MCM5: variants seen among roughly 807,000 people sequenced by gnomAD.
MCM5 encodes DNA replication licensing factor MCM5.
In MCM5, 46 loss-of-function variants were observed where a neutral mutation model predicts 79.9. The ratio of observed to expected loss-of-function variants is 0.58; its 90% confidence interval spans 0.45 to 0.74. The LOEUF is 0.74. Ranked by LOEUF, MCM5 falls within the 30% of genes least tolerant of loss-of-function variation. MCM5 has a pLI of 0.00. For missense variants in MCM5, 883 were observed against 1,017.0 expected, an observed-to-expected ratio of 0.87 and a Z score of 1.79; for synonymous variants, 404 against 390.5, an observed-to-expected ratio of 1.03 and a Z score of -0.41.
At chr22:35,405,170 C>T (rs1363493925) in intron 4 of MCM5, among the ~76,000 whole-genome samples, 1 of 151,772 alleles carries the variant, frequency 6.6e-6, no homozygotes, top group African/African-American at 2.4e-5. Context: ...GAATTACAGG[C>T]ACACACCACC....
chr22:35,417,640 T>G, intron 12 of MCM5, 104 bp from the exon 13 acceptor site: 1 of 800,004 alleles, frequency 1.2e-6, no homozygotes. Context: ...TCCGGCTCCT[T>G]GATGCCAGGG....
intron 4 of MCM5, among the ~76,000 whole-genome samples, chr22:35,406,141 G>T (rs927775132): frequency 1.3e-5 from 2 of 152,222 alleles, no homozygotes; most frequent in African/African-American, 4.8e-5. Flanking sequence ...GGTTTTGACA[G>T]AACTTGAACT....
Position 35,410,550 on chromosome 22 carries a change from T to C in MCM5, c.753-194T>C, listed in dbSNP as rs572848911. On this transcript the variant is annotated intron_variant, in intron 6 of 16. Transcript: ENST00000216122. ...TGGGCAACACCATCCTCCAAGCAGC[T>C]GAGCATGGGCTGAGTGACGTGGGGA... 8 of 594,842 alleles carry C rather than the reference T, an allele frequency of 1.3e-5. No individual in the cohort carries two copies. In the African/African-American group the frequency reaches 1.5e-4, roughly 11 times the overall value. The allele number at this position is 594,842 out of a possible 1,614,324, so 36.8% of individuals were successfully genotyped here.
chr22:35,412,534 G>T lies in MCM5; in HGVS notation c.944G>T (p.Ser315Ile). The T allele has an allele frequency of 6.4e-7, 1 of 1,568,314 alleles. No individual in the cohort carries two copies. Among genetic ancestry groups the T allele is most frequent in the Non-Finnish European group, 8.7e-7 (1 of 1,155,316 alleles). Residue 315 changes from serine to isoleucine, a missense_variant, in exon 8 of 17, where the codon AGC (serine) becomes ATC (isoleucine). Coordinates refer to ENST00000216122, the MANE Select transcript of MCM5 (RefSeq NM_006739.4). ...GSGRSFAGAV[S>I]PQEEEEFRRL... ...GGCCGCAGCTTTGCTGGGGCCGTGAGCCCCCAGGAGGAGGAGGAGTTCCGT... is the reference window on the plus strand; with the variant it reads ...GGCCGCAGCTTTGCTGGGGCCGTGATCCCCCAGGAGGAGGAGGAGTTCCGT...
the MCM5 span, among the ~76,000 whole-genome samples, chr22:35,435,458 G>C: frequency 4.6e-5 from 7 of 152,330 alleles, no homozygotes; most frequent in Admixed American, 3.3e-4. Context: ...AGGGAGGGGA[G>C]GAAGAAGGTG....
chr22:35,417,844 C>G lies in MCM5; in HGVS notation c.1691C>G (p.Ala564Gly), dbSNP rs1212682934. 1 of 1,613,730 alleles carries G rather than the reference C, an allele frequency of 6.2e-7. No homozygotes were observed. Among genetic ancestry groups the G allele is most frequent in the South Asian group, 1.1e-5 (1 of 91,068 alleles). The stretch of plus-strand genomic sequence containing the variant: ...CTGGCCAAGCTGAAGAAGTTTATTG[C>G]CTACTGCCGAGTGTGAGTCCTGGAC... Reference protein sequence around the residue: ...IDLAKLKKFIAYCRVKCGPRL... With the variant: ...IDLAKLKKFIGYCRVKCGPRL... Residue 564 changes from alanine to glycine, a missense_variant, in exon 13 of 17, where the codon GCC (alanine) becomes GGC (glycine). This residue lies in a region of MCM5 where 426 missense variants were observed against 482.3 expected (regional missense o/e 0.88). Transcript: ENST00000216122.
chr22:35,427,910 CATTCCT>C (rs894400630), downstream of MCM5, among the ~76,000 whole-genome samples: 3 of 151,930 alleles, frequency 2.0e-5, no homozygotes, highest in African/African-American at 7.3e-5. Context: ...TGTGGTAGCT[CATTCCT>C]GTAATCCCAG....
downstream of MCM5, among the ~76,000 whole-genome samples, chr22:35,425,810 A>T (rs2145806550): frequency 6.6e-6 from 1 of 151,776 alleles, no homozygotes; most frequent in African/African-American, 2.4e-5. Context: ...TGCAGTGGCA[A>T]CTTTGCTGGT....
At chr22:35,402,571 TG>T (rs1932089657) in intron 2 of MCM5, among the ~76,000 whole-genome samples, 1 of 151,902 alleles carries the variant, frequency 6.6e-6, no homozygotes, top group Non-Finnish European at 1.5e-5. Context: ...TTTTTTTTTT[TG>T]AGACAGAGTC....
chr22:35,447,863 TG>T, the MCM5 span, among the ~76,000 whole-genome samples: 8 of 152,184 alleles, frequency 5.3e-5, no homozygotes, highest in Admixed American at 6.5e-5. Flanking sequence ...CGTGCTCTTG[TG>T]AAGCTGCTTT....
At chr22:35,418,667 A>AT (rs1601761519) in intron 13 of MCM5, among the ~76,000 whole-genome samples, 1 of 123,804 alleles carries the variant, frequency 8.1e-6, no homozygotes, top group South Asian at 2.3e-4. Flanking sequence ...CTCAAAAAAA[A>AT]AAAATATATA....
intron 6 of MCM5, 95 bp from the exon 7 acceptor site, chr22:35,410,649 T>C (rs564058651): frequency 1.6e-6 from 2 of 1,257,404 alleles, no homozygotes; most frequent in African/African-American, 2.9e-5. Context: ...AATGCTGCAG[T>C]GGACCCTGCG....
intron 13 of MCM5, among the ~76,000 whole-genome samples, chr22:35,418,790 C>G (rs1436095538): frequency 6.6e-6 from 1 of 152,150 alleles, no homozygotes; most frequent in East Asian, 1.9e-4. Context: ...AATTATAACC[C>G]TCCCCCAAAA....
At chr22:35,426,742 G>T (rs1189391409), downstream of MCM5, among the ~76,000 whole-genome samples, 1 of 152,190 alleles carries the variant, frequency 6.6e-6, no homozygotes, top group East Asian at 1.9e-4. Flanking sequence ...CTGGGTGCCT[G>T]TGGTTTTCCC....
the MCM5 span, among the ~76,000 whole-genome samples, chr22:35,435,541 G>A: frequency 6.5e-3 from 993 of 152,278 alleles, 5 homozygotes; most frequent in Non-Finnish European, 0.01. Context: ...CCAGACTCTC[G>A]GGGAGTCTGG....
rs1191479216 is a variant in MCM5 at position 35,406,304 on chromosome 22, C to CCCA, written c.424-247_424-246insACC. Among the ~76,000 whole-genome samples, 4 of 144,230 alleles carry CCCA rather than the reference C, an allele frequency of 2.8e-5. 1 individual carries two copies. Among genetic ancestry groups the CCCA allele is most frequent in the Non-Finnish European group, 6.2e-5 (4 of 64,952 alleles). The allele number at this position is 144,230 out of a possible 152,430, so 94.6% of individuals were successfully genotyped here. A position where few individuals can be genotyped will look rare whatever the true frequency, so the allele number is the denominator to read the frequency against. On this transcript the variant is annotated intron_variant, in intron 4 of 16. Coordinates refer to ENST00000216122, the MANE Select transcript of MCM5 (RefSeq NM_006739.4). ...GTATCTCTTGCCCTGCCACCTCCCC[C>CCCA]CCCAATTGTGCTGCGAGGTCTTTAA...
chr22:35,440,887 G>T, the MCM5 span, among the ~76,000 whole-genome samples: 1 of 151,938 alleles, frequency 6.6e-6, no homozygotes, highest in African/African-American at 2.4e-5. Context: ...GAGAAACCCC[G>T]TCTTTACTAA....
chr22:35,420,085 G>T, intron 14 of MCM5, 73 bp downstream of exon 14: 4 of 1,514,642 alleles, frequency 2.6e-6, no homozygotes, highest in Non-Finnish European at 3.6e-6. Flanking sequence ...TTGGCAACCA[G>T]GGGCAGTGGT....
Position 35,425,384 on chromosome 22 carries a change from G to C in MCM5, c.*1129G>C. ...TGCCATGTAAAAATGACACGAACTT[G>C]AAGTAAGATTATTTGATTTTTCTAA... On this transcript the variant is annotated 3_prime_UTR_variant, in exon 17 of 17. Transcript: ENST00000216122. The C allele has an allele frequency of 6.6e-6, 1 of 152,188 alleles. No individual in the cohort carries two copies. The highest frequency in any genetic ancestry group is 2.1e-4 in the South Asian group (1 of 4,832). The allele number at this position is 152,188 out of a possible 1,614,324, so 9.4% of individuals were successfully genotyped here.
Sources: allele counts gnomAD v4.1 joint callset (sites outside exome capture counted in the v4.1 genomes callset), GRCh38; gene constraint gnomAD v4.1.1; regional missense constraint gnomAD v4.1.1; transcripts MANE v1.5; gene names NCBI Gene and HGNC (gene_info 2026-07-23, HGNC 2026-07-21).